The following PTPRM variants were observed in gnomAD, a reference collection of about 807,000 sequenced individuals.
PTPRM encodes the protein receptor-type tyrosine-protein phosphatase mu.
Under a neutral mutation model 186.7 loss-of-function variants are expected in PTPRM, and 47 were observed. That is an observed-to-expected ratio of 0.25 (90% CI 0.20 to 0.32). The LOEUF is 0.32. Among genes scored for constraint, PTPRM ranks in the 10% least tolerant of loss-of-function variants. The probability of loss-of-function intolerance (pLI) is 1.00; values close to 1 mark genes in which losing one functional copy is unlikely to be tolerated. For synonymous variants in PTPRM, 668 were observed against 674.9 expected (o/e 0.99, Z 0.16); for missense variants, 1,494 against 1,865.0 (o/e 0.80, Z 3.66).
chr18:7,702,063 G>A (rs2039978645), intron 1 of PTPRM, among the ~76,000 whole-genome samples: 1 of 152,192 alleles, frequency 6.6e-6, no homozygotes, highest in South Asian at 2.1e-4. Context: ...GTTCCATGGT[G>A]TATATGTGCC....
intron 21 of PTPRM, among the ~76,000 whole-genome samples, chr18:8,317,330 T>G (rs76070075): frequency 0.029 from 4,393 of 151,996 alleles, 302 homozygotes; most frequent in Admixed American, 0.17. Context: ...GAGAAGATGG[T>G]GTGTGGAACA....
At chr18:8,282,880 A>AC (rs2094918586) in intron 19 of PTPRM, among the ~76,000 whole-genome samples, 1 of 152,196 alleles carries the variant, frequency 6.6e-6, no homozygotes, top group Non-Finnish European at 1.5e-5. Context: ...ACATCCATAT[A>AC]CCATGGAATA....
chr18:8,259,473 CAT>C (rs1183438282), intron 19 of PTPRM, among the ~76,000 whole-genome samples: 1 of 152,120 alleles, frequency 6.6e-6, no homozygotes, highest in Non-Finnish European at 1.5e-5. Flanking sequence ...CTTTTTTAAA[CAT>C]ATGAGTTGTA....
intron 15 of PTPRM, among the ~76,000 whole-genome samples, chr18:8,244,411 A>C (rs920340611): frequency 6.6e-6 from 1 of 152,170 alleles, no homozygotes; most frequent in African/African-American, 2.4e-5. Context: ...CAGATCAGAG[A>C]GTCCAGAAAA....
In PTPRM at chr18:8,252,932, G is replaced by A. The variant is rs569098672; in HGVS notation, c.2567-295G>A. On this transcript the variant is annotated intron_variant, in intron 18 of 32. Transcript: ENST00000580170. ...CCAGGTCTTGATGAAGTTTCAGGTT[G>A]AAACTTTCACAAACTTTAGCACTGG... Among the ~76,000 whole-genome samples the A allele has an allele frequency of 3.9e-5, 6 of 152,292 alleles. No individual in the cohort carries two copies. The East Asian group carries it at 1.2e-3, about 29-fold the overall frequency.
At chr18:8,144,027 A>G (rs1402586522) in intron 14 of PTPRM, among the ~76,000 whole-genome samples, 1 of 152,218 alleles carries the variant, frequency 6.6e-6, no homozygotes, top group African/African-American at 2.4e-5. Context: ...GTGTCTTCCC[A>G]CACAGTGGCA....
rs572244170 is a variant in PTPRM, at chr18:8,066,344, TG to T, written c.1133-3341del. ...TTTCCTTTATGTTATTGTATGTATC[TG>T]CTTTTCCAGCCATTTCCCCATCCCT... On this transcript the variant is annotated intron_variant, in intron 7 of 32. Transcript: ENST00000580170. Among the ~76,000 whole-genome samples the T allele has an allele frequency of 2.7e-3, 404 of 152,314 alleles. 3 individuals are homozygous for T. The highest frequency in any genetic ancestry group is 4.5e-3 in the Admixed American group (69 of 15,304).
At chr18:8,026,766 G>C (rs1420189669) in intron 7 of PTPRM, among the ~76,000 whole-genome samples, 4 of 152,016 alleles carry the variant, frequency 2.6e-5, no homozygotes, top group Non-Finnish European at 5.9e-5. Context: ...GCTGAGGCAG[G>C]AGAATCACTT....
intron 19 of PTPRM, among the ~76,000 whole-genome samples, chr18:8,266,856 C>T (rs897218104): frequency 2.6e-5 from 4 of 151,760 alleles, no homozygotes; most frequent in Admixed American, 6.6e-5. Context: ...TGCAGTGAGC[C>T]GAGATCATAC....
chr18:7,678,456 G>A (rs765625983), intron 1 of PTPRM, among the ~76,000 whole-genome samples: 1 of 152,174 alleles, frequency 6.6e-6, no homozygotes, highest in African/African-American at 2.4e-5. Context: ...ACTGAGAGGA[G>A]TGACTCTGGG....
chr18:7,806,672 C>T (rs1376425485), intron 2 of PTPRM, among the ~76,000 whole-genome samples: 1 of 152,212 alleles, frequency 6.6e-6, no homozygotes, highest in Non-Finnish European at 1.5e-5. Flanking sequence ...CTGTGGAGCG[C>T]AGGCACTGCT....
At chr18:8,095,586 G>A (rs1385963345) in intron 11 of PTPRM, among the ~76,000 whole-genome samples, 2 of 152,212 alleles carry the variant, frequency 1.3e-5, no homozygotes, top group East Asian at 1.9e-4. Flanking sequence ...AGCTGCAGCA[G>A]CAATGGAGGA....
intron 23 of PTPRM, among the ~76,000 whole-genome samples, chr18:8,350,355 G>C (rs2095528013): frequency 6.6e-6 from 1 of 152,140 alleles, no homozygotes; most frequent in Non-Finnish European, 1.5e-5. Flanking sequence ...CATGTGCTCA[G>C]CTCCCCTTAT....
intron 7 of PTPRM, among the ~76,000 whole-genome samples, chr18:7,979,463 A>T (rs750877206): frequency 4.6e-5 from 7 of 152,202 alleles, no homozygotes; most frequent in African/African-American, 7.2e-5. Flanking sequence ...TGGGCAGATT[A>T]TGAATCTAAG....
At chr18:8,189,823 G>A (rs570889781) in intron 14 of PTPRM, among the ~76,000 whole-genome samples, 5 of 152,258 alleles carry the variant, frequency 3.3e-5, no homozygotes, top group Admixed American at 6.5e-5. Context: ...GATAGTGTTC[G>A]TCAGTTTATT....
chr18:8,118,811 A>AAAAATATATAT (rs372020679), intron 13 of PTPRM, among the ~76,000 whole-genome samples: 13 of 128,370 alleles, frequency 1.0e-4, no homozygotes, highest in African/African-American at 3.7e-4. Flanking sequence ...AAAAAAAAAA[A>AAAAATATATAT]ATATATATAT....
chr18:7,881,905 T>A (rs1431530017), intron 2 of PTPRM, among the ~76,000 whole-genome samples: 2 of 152,202 alleles, frequency 1.3e-5, no homozygotes, highest in Non-Finnish European at 2.9e-5. Flanking sequence ...CAACGTTCTT[T>A]CGTAGTCAAA....
intron 11 of PTPRM, among the ~76,000 whole-genome samples, chr18:8,107,626 A>G (rs1319052204): frequency 6.6e-6 from 1 of 152,230 alleles, no homozygotes; most frequent in East Asian, 1.9e-4. Context: ...GGCTGAGAGA[A>G]CATAAAAAAT....
chr18:8,095,136 A>G (rs754557821), intron 11 of PTPRM, among the ~76,000 whole-genome samples: 1 of 152,088 alleles, frequency 6.6e-6, no homozygotes, highest in African/African-American at 2.4e-5. Context: ...GGGGCTGGCA[A>G]TGTAGATTGG....
Sources: allele counts gnomAD v4.1 joint callset (sites outside exome capture counted in the v4.1 genomes callset), GRCh38; gene constraint gnomAD v4.1.1; transcripts MANE v1.5; gene names NCBI Gene and HGNC (gene_info 2026-07-23, HGNC 2026-07-21).